MKLN1: variants seen among roughly 807,000 people sequenced by gnomAD.
MKLN1 encodes muskelin.
Under a neutral mutation model 99.0 loss-of-function variants are expected in MKLN1, and 18 were observed. The ratio of observed to expected loss-of-function variants is 0.18; its 90% CI spans 0.13 to 0.27. The LOEUF (loss-of-function observed/expected upper bound fraction) is 0.27. Ranked by LOEUF, MKLN1 falls within the 10% of genes least tolerant of loss-of-function variation. The pLI is 1.00. For synonymous variants in MKLN1, 288 were observed against 293.2 expected, an observed-to-expected ratio of 0.98 and a Z score of 0.18; for missense variants, 621 against 875.9, an observed-to-expected ratio of 0.71 and a Z score of 3.67.
In MKLN1 at chr7:131,327,920, C is replaced by T. The variant is rs142689824; in HGVS notation, c.21C>T (p.Val7=). The change falls in exon 1 of 18, where the codon GTC becomes GTT. Residue 7 remains valine, a synonymous_variant. Coordinates refer to ENST00000352689, the MANE Select transcript of MKLN1 (RefSeq NM_013255.5). ...ACAAGATGGCGGCTGGCGGAGCTGT[C>T]GCTGCGGCGCCCGAGTGCCGGCTTC... MAAGGA[V]AAAPECRLLP... 27 of 1,612,908 alleles carry T rather than the reference C, an allele frequency of 1.7e-5. No individual in the cohort carries two copies. The East Asian group carries it at 3.1e-4, about 19-fold the overall frequency.
intron 2 of MKLN1, among the ~76,000 whole-genome samples, chr7:131,177,265 C>T (rs902859686): frequency 9.9e-5 from 15 of 151,976 alleles, no homozygotes; most frequent in Non-Finnish European, 1.3e-4. Context: ...GTCAGGAGTT[C>T]GAGACCAGCC....
chr7:131,242,215 G>A (rs1797414615), intron 3 of MKLN1, among the ~76,000 whole-genome samples: 2 of 152,128 alleles, frequency 1.3e-5, no homozygotes, highest in South Asian at 4.1e-4. Context: ...TTTTACTTTT[G>A]GAGGAAAGTA....
chr7:131,453,899 G>A (rs1239230643), intron 12 of MKLN1, among the ~76,000 whole-genome samples: 1 of 151,876 alleles, frequency 6.6e-6, no homozygotes, highest in Non-Finnish European at 1.5e-5. Context: ...TAGATACTTC[G>A]AAGAAAAAAT....
chr7:131,138,177 T>A (rs1030132710), intron 1 of MKLN1, among the ~76,000 whole-genome samples: 1 of 151,786 alleles, frequency 6.6e-6, no homozygotes, highest in Admixed American at 6.6e-5. Flanking sequence ...TACCCACCTC[T>A]GCCTCTGCCT....
intron 6 of MKLN1, among the ~76,000 whole-genome samples, chr7:131,404,193 T>C (rs1252333916): frequency 2.6e-5 from 4 of 152,236 alleles, no homozygotes; most frequent in East Asian, 1.9e-4. Flanking sequence ...TGTTTTGTTA[T>C]CTTTTGGTAT....
At chr7:131,302,256 C>T (rs1390515195) in intron 3 of MKLN1, among the ~76,000 whole-genome samples, 1 of 152,144 alleles carries the variant, frequency 6.6e-6, no homozygotes, top group African/African-American at 2.4e-5. Context: ...ACGCCCAGCC[C>T]CTGACTCATG....
intron 3 of MKLN1, among the ~76,000 whole-genome samples, chr7:131,246,203 G>T (rs1054609726): frequency 6.6e-6 from 1 of 152,214 alleles, no homozygotes; most frequent in African/African-American, 2.4e-5. Context: ...AACATCCAGG[G>T]CCATAGGCTC....
chr7:131,423,115 T>C (rs1795255584), intron 8 of MKLN1, among the ~76,000 whole-genome samples: 2 of 152,210 alleles, frequency 1.3e-5, no homozygotes, highest in Non-Finnish European at 2.9e-5. Context: ...TTCCTTGTTG[T>C]GTAACTCTCA....
intron 3 of MKLN1, among the ~76,000 whole-genome samples, chr7:131,245,443 T>G (rs1045503017): frequency 6.6e-6 from 1 of 151,972 alleles, no homozygotes; most frequent in African/African-American, 2.4e-5. Flanking sequence ...AATTTTTGCA[T>G]TTTTAGTAGA....
At chr7:131,143,418 A>T (rs922765617) in intron 2 of MKLN1, among the ~76,000 whole-genome samples, 1 of 152,180 alleles carries the variant, frequency 6.6e-6, no homozygotes, top group Non-Finnish European at 1.5e-5. Context: ...GCGAGCCAAG[A>T]TCGTGCCACT....
intron 3 of MKLN1, among the ~76,000 whole-genome samples, chr7:131,262,963 AT>A (rs1797755338): frequency 6.6e-6 from 1 of 152,126 alleles, no homozygotes; most frequent in Non-Finnish European, 1.5e-5. Context: ...GTTCTACAGA[AT>A]GTTCTACTTT....
chr7:131,196,074 A>G (rs1796640156), intron 2 of MKLN1, among the ~76,000 whole-genome samples: 1 of 152,214 alleles, frequency 6.6e-6, no homozygotes, highest in African/African-American at 2.4e-5. Flanking sequence ...GAAACTTTAA[A>G]TGTAATTTTT....
chr7:131,484,266 A>T lies in MKLN1; in HGVS notation c.2087-3341A>T, dbSNP rs143575379. On this transcript the variant is annotated intron_variant, in intron 17 of 17. Transcript: ENST00000352689. ...TTAAATGAGCTTAGTACATTGCCCT[A>T]CAACTTAAGCACTTAATGAGTGTGA... Among the ~76,000 whole-genome samples, 415 of 152,338 alleles carry T rather than the reference A, an allele frequency of 2.7e-3. 1 individual carries two copies. Among genetic ancestry groups the T allele is most frequent in the African/African-American group, 9.7e-3 (402 of 41,578 alleles).
At chr7:131,383,284 C>T (rs1793906980) in intron 2 of MKLN1, among the ~76,000 whole-genome samples, 1 of 152,014 alleles carries the variant, frequency 6.6e-6, no homozygotes, top group African/African-American at 2.4e-5. Context: ...TTTCTTTGAC[C>T]AACAGAAAAG....
chr7:131,356,345 A>G (rs1369964664), intron 1 of MKLN1, among the ~76,000 whole-genome samples: 2 of 151,986 alleles, frequency 1.3e-5, no homozygotes, highest in Non-Finnish European at 2.9e-5. Flanking sequence ...CTGCCTGACC[A>G]TCACCTGATG....
At chr7:131,221,907 A>T (rs941571966) in intron 3 of MKLN1, among the ~76,000 whole-genome samples, 2 of 151,510 alleles carry the variant, frequency 1.3e-5, no homozygotes, top group Middle Eastern at 3.4e-3. Context: ...CTTTTATTTT[A>T]TTTATTTATT....
At chr7:131,273,423 T>C (rs1310565527) in intron 3 of MKLN1, among the ~76,000 whole-genome samples, 1 of 152,164 alleles carries the variant, frequency 6.6e-6, no homozygotes, top group Non-Finnish European at 1.5e-5. Flanking sequence ...GCCCCTGCAC[T>C]TTCTGAGTTT....
chr7:131,157,181 A>T (rs1291235301), intron 2 of MKLN1, among the ~76,000 whole-genome samples: 2 of 152,138 alleles, frequency 1.3e-5, no homozygotes, highest in Non-Finnish European at 2.9e-5. Flanking sequence ...GGAGTTCAAA[A>T]CCAGTCCGGG....
At chr7:131,355,412 A>C (rs185927758) in intron 1 of MKLN1, among the ~76,000 whole-genome samples, 1 of 151,896 alleles carries the variant, frequency 6.6e-6, no homozygotes, top group African/African-American at 2.4e-5. Flanking sequence ...GGAACATGGC[A>C]TGTCTTTGCA....
Sources: gnomAD v4.1 joint callset for allele counts (sites outside exome capture counted in the v4.1 genomes callset) on GRCh38, gnomAD v4.1.1 for gene constraint, MANE v1.5 for transcripts, NCBI Gene and HGNC (gene_info 2026-07-23, HGNC 2026-07-21) for gene names.